The following OPCML variants were observed in gnomAD, a reference collection of about 807,000 sequenced individuals.
OPCML encodes the protein opioid-binding protein/cell adhesion molecule.
OPCML carries 13 observed loss-of-function variants against 37.8 expected under a neutral mutation model. The ratio of observed to expected loss-of-function variants is 0.34; its 90% CI spans 0.22 to 0.55. The LOEUF is 0.55. Ranked by LOEUF, OPCML falls within the 20% of genes least tolerant of loss-of-function variation. The pLI is 0.91. For missense variants in OPCML, 341 were observed against 435.6 expected (o/e 0.78, Z 1.93); for synonymous variants, 176 against 168.8 (o/e 1.04, Z -0.33).
rs560087192 is a variant in OPCML, at chr11:133,363,268, G to C, written c.61+168996C>G. ...GACAGCGCTTCCTACACGTGCCGTA[G>C]GAGCTTCCTGGGCAGAACAGAACAT... On this transcript the variant is annotated intron_variant, in intron 1 of 7. Coordinates refer to ENST00000524381, the MANE Select transcript of OPCML (RefSeq NM_001012393.5). 9.2e-5 allele frequency among the ~76,000 whole-genome samples: 14 copies of C among 152,302 alleles called. 1 individual carries two copies. Among genetic ancestry groups the C allele is most frequent in the African/African-American group, 3.4e-4 (14 of 41,564 alleles).
At chr11:132,780,009 A>G (rs1946946990) in intron 2 of OPCML, among the ~76,000 whole-genome samples, 1 of 152,164 alleles carries the variant, frequency 6.6e-6, no homozygotes, top group Non-Finnish European at 1.5e-5. Context: ...GACATAGATC[A>G]CATAGTGTGT....
intron 1 of OPCML, among the ~76,000 whole-genome samples, chr11:133,308,809 G>A (rs564509541): frequency 1.3e-5 from 2 of 152,134 alleles, no homozygotes; most frequent in Non-Finnish European, 2.9e-5. Context: ...GTGCTGAAAA[G>A]TATAAAAGCA....
intron 1 of OPCML, among the ~76,000 whole-genome samples, chr11:133,336,825 T>A (rs925569345): frequency 6.6e-6 from 1 of 152,220 alleles, no homozygotes; most frequent in Non-Finnish European, 1.5e-5. Flanking sequence ...ATTTTTGTGA[T>A]ACCCAGGGAT....
intron 3 of OPCML, among the ~76,000 whole-genome samples, chr11:132,581,129 C>G (rs2096461257): frequency 1.3e-5 from 2 of 152,106 alleles, no homozygotes; most frequent in Admixed American, 6.6e-5. Context: ...GCGTGACTTG[C>G]CCCAATTCAG....
chr11:132,959,453 A>G (rs1946042267), intron 1 of OPCML, among the ~76,000 whole-genome samples: 1 of 152,240 alleles, frequency 6.6e-6, no homozygotes, highest in African/African-American at 2.4e-5. Flanking sequence ...GCGGGATTTG[A>G]GAGGACTGTC....
intron 1 of OPCML, among the ~76,000 whole-genome samples, chr11:133,374,904 G>A (rs921901100): frequency 6.6e-6 from 1 of 152,140 alleles, no homozygotes; most frequent in South Asian, 2.1e-4. Context: ...TGAGAGTGTC[G>A]CTGAGGCGTC....
chr11:133,447,394 A>G (rs1274222647), intron 1 of OPCML, among the ~76,000 whole-genome samples: 1 of 152,192 alleles, frequency 6.6e-6, no homozygotes, highest in Non-Finnish European at 1.5e-5. Flanking sequence ...TTTTAGATTC[A>G]AGCAGTACAT....
chr11:133,211,449 T>G lies in OPCML; in HGVS notation c.62-268439A>C, dbSNP rs1939354826. On this transcript the variant is annotated intron_variant, in intron 1 of 7. Transcript: ENST00000524381. This position sits in a 1 kb window ranked among gnomAD's most constrained non-coding sequence, Gnocchi z 4.1. The stretch of plus-strand genomic sequence containing the variant: ...CAGGGATGGGTTTCCTGCACTACAA[T>G]AAGACATTGTCAATCAGCAGCCTTG... Among the ~76,000 whole-genome samples the G allele has an allele frequency of 6.6e-6, 1 of 152,160 alleles. No homozygotes were observed. The highest frequency in any genetic ancestry group is 2.1e-4 in the South Asian group (1 of 4,830).
intron 1 of OPCML, among the ~76,000 whole-genome samples, chr11:133,147,218 T>A (rs994470577): frequency 2.6e-5 from 4 of 152,098 alleles, no homozygotes; most frequent in African/African-American, 9.7e-5. Context: ...GCAGGCTTTG[T>A]CTGCAGCATC....
At chr11:132,731,460 C>T (rs1945072632) in intron 2 of OPCML, among the ~76,000 whole-genome samples, 1 of 152,142 alleles carries the variant, frequency 6.6e-6, no homozygotes, top group African/African-American at 2.4e-5. Flanking sequence ...AGTGTATTGC[C>T]TTACAGACTA....
intron 1 of OPCML, among the ~76,000 whole-genome samples, chr11:133,315,863 A>G (rs1298487290): frequency 6.6e-6 from 1 of 152,130 alleles, no homozygotes; most frequent in East Asian, 1.9e-4. Flanking sequence ...CACAAAATCA[A>G]TACCTTCATC....
At chr11:132,916,752 C>T (rs1028513717) in intron 2 of OPCML, among the ~76,000 whole-genome samples, 3 of 152,036 alleles carry the variant, frequency 2.0e-5, no homozygotes, top group African/African-American at 7.2e-5. Context: ...TAGGGGTGTT[C>T]GAGTGAGCAA....
intron 2 of OPCML, among the ~76,000 whole-genome samples, chr11:132,877,287 A>AC (rs996008339): frequency 2.7e-4 from 41 of 151,804 alleles, no homozygotes; most frequent in Admixed American, 1.1e-3. Flanking sequence ...ACTAAGCTGC[A>AC]CCCCCCCACC....
In OPCML at chr11:133,525,916, C is replaced by T. The variant is rs533350274; in HGVS notation, c.61+6348G>A. ...TGGCCTTTCCGGGGGTCTCTCAGCA[C>T]AGCATCTCCGCTCATTAACGAGAAT... On this transcript the variant is annotated intron_variant, in intron 1 of 7. Transcript: ENST00000524381. Among the ~76,000 whole-genome samples, 124 of 152,338 alleles carry T rather than the reference C, an allele frequency of 8.1e-4. 1 individual carries two copies. The highest frequency in any genetic ancestry group is 1.1e-3 in the Non-Finnish European group (73 of 68,032).
chr11:133,099,046 T>C (rs1264992112), intron 1 of OPCML, among the ~76,000 whole-genome samples: 2 of 152,018 alleles, frequency 1.3e-5, no homozygotes, highest in Admixed American at 6.6e-5. Context: ...AAATGACATT[T>C]GAAAATAAAA....
intron 1 of OPCML, among the ~76,000 whole-genome samples, chr11:133,256,908 T>C (rs569868959): frequency 2.0e-4 from 31 of 152,212 alleles, no homozygotes; most frequent in Non-Finnish European, 4.3e-4. Flanking sequence ...AACTGAACCA[T>C]GTGAGTTCTA....
chr11:132,558,599 G>A (rs936310837), intron 3 of OPCML, among the ~76,000 whole-genome samples: 5 of 148,298 alleles, frequency 3.4e-5, no homozygotes, highest in Non-Finnish European at 7.4e-5. Flanking sequence ...TACCTCTGTG[G>A]AATACAAGTT....
intron 2 of OPCML, among the ~76,000 whole-genome samples, chr11:132,707,942 G>C (rs1944102863): frequency 6.6e-6 from 1 of 152,162 alleles, no homozygotes; most frequent in South Asian, 2.1e-4. Flanking sequence ...AATGGAAAAA[G>C]AGTGTGTCAC....
chr11:133,411,502 G>A (rs1351476998), intron 1 of OPCML, among the ~76,000 whole-genome samples: 1 of 152,132 alleles, frequency 6.6e-6, no homozygotes, highest in African/African-American at 2.4e-5. Context: ...CCCAGGCCTG[G>A]CCAGCCCTAA....
Sources: allele counts gnomAD v4.1 joint callset (sites outside exome capture counted in the v4.1 genomes callset), GRCh38; gene constraint gnomAD v4.1.1; non-coding constraint Gnocchi (gnomAD v3.1); transcripts MANE v1.5; gene names NCBI Gene and HGNC (gene_info 2026-07-23, HGNC 2026-07-21).